The following KIAA1958 variants were observed in gnomAD, a reference collection of about 807,000 sequenced individuals.
KIAA1958 encodes the protein uncharacterized protein KIAA1958.
In KIAA1958, 14 loss-of-function variants were observed where a neutral mutation model predicts 47.2. The ratio of observed to expected loss-of-function variants is 0.30; its 90% CI spans 0.20 to 0.46. KIAA1958 has a LOEUF of 0.46. KIAA1958 is among the 20% of genes least tolerant of loss of function. The pLI is 1.00. For missense variants in KIAA1958, 803 were observed against 909.2 expected (o/e 0.88, Z 1.50); for synonymous variants, 354 against 353.3 (o/e 1.00, Z -0.02).
chr9:112,611,803 G>A (rs1489887033), intron 2 of KIAA1958, among the ~76,000 whole-genome samples: 1 of 151,854 alleles, frequency 6.6e-6, no homozygotes, highest in African/African-American at 2.4e-5. Flanking sequence ...GAGTAAGGAG[G>A]GGATTGAATA....
chr9:112,668,997 T>C lies in KIAA1958; in HGVS notation c.*8928T>C, dbSNP rs1004541358. On this transcript the variant is annotated 3_prime_UTR_variant, in exon 4 of 4. Coordinates refer to ENST00000337530, the MANE Select transcript of KIAA1958 (RefSeq NM_133465.4). ...TTTTCACTGTTCTGTAATTTTGTTT[T>C]AATATAGAGGATACCCATAATTTCT... 2.6e-5 allele frequency: 4 copies of C among 152,254 alleles called. No homozygotes were observed. The highest frequency in any genetic ancestry group is 9.6e-5 in the African/African-American group (4 of 41,468). 9.4% of individuals were successfully genotyped at this position (152,254 alleles called of 1,614,324 possible). A position where few individuals can be genotyped will look rare whatever the true frequency, so the allele number is the denominator to read the frequency against.
chr9:112,581,781 G>A lies in KIAA1958; in HGVS notation c.1171+6530G>A, dbSNP rs559877552. 18 of 224,252 alleles carry A rather than the reference G, an allele frequency of 8.0e-5. No individual in the cohort carries two copies. The South Asian group carries it at 1.3e-3, about 16-fold the overall frequency. The allele number at this position is 224,252 out of a possible 1,614,324, so 13.9% of individuals were successfully genotyped here. On this transcript the variant is annotated intron_variant, in intron 2 of 3. Transcript: ENST00000337530. ...TTAACCTCTGTCACAATCCTGTTAG[G>A]AACTGGAGAGCTGAGATCTCAGAGA...
chr9:112,628,166 G>T (rs1270699795), intron 2 of KIAA1958, among the ~76,000 whole-genome samples: 1 of 152,242 alleles, frequency 6.6e-6, no homozygotes, highest in South Asian at 2.1e-4. Flanking sequence ...ACTTGATGCA[G>T]GGTTTCCTTC....
intron 1 of KIAA1958, among the ~76,000 whole-genome samples, chr9:112,518,291 T>C (rs1834473515): frequency 6.6e-6 from 1 of 152,242 alleles, no homozygotes; most frequent in South Asian, 2.1e-4. Flanking sequence ...AGCAACCTTA[T>C]TTGTAAAGCT....
At chr9:112,600,788 G>T (rs983951775) in intron 2 of KIAA1958, among the ~76,000 whole-genome samples, 3 of 152,176 alleles carry the variant, frequency 2.0e-5, no homozygotes, top group Non-Finnish European at 4.4e-5. Flanking sequence ...GGAAGACTTT[G>T]ATTTCATGAG....
intron 3 of KIAA1958, among the ~76,000 whole-genome samples, chr9:112,648,238 G>A (rs1837008494): frequency 6.6e-6 from 1 of 152,144 alleles, no homozygotes; most frequent in Non-Finnish European, 1.5e-5. Flanking sequence ...TTACTGCCTT[G>A]AGAGAATTAA....
At chr9:112,617,858 C>G (rs1177560312) in intron 2 of KIAA1958, 4 of 1,538,094 alleles carry the variant, frequency 2.6e-6, no homozygotes, top group Admixed American at 4.0e-5. Flanking sequence ...CCTCCCCCCC[C>G]AATTTGTTGC....
intron 2 of KIAA1958, among the ~76,000 whole-genome samples, chr9:112,642,318 C>T (rs1473212231): frequency 6.6e-6 from 1 of 152,222 alleles, no homozygotes; most frequent in East Asian, 1.9e-4. Context: ...GGAACTGTCC[C>T]AGTGATAGAC....
At chr9:112,636,039 C>T (rs1836799485) in intron 2 of KIAA1958, among the ~76,000 whole-genome samples, 3 of 150,712 alleles carry the variant, frequency 2.0e-5, no homozygotes, top group Admixed American at 2.0e-4. Context: ...TTGTCATTAT[C>T]ATTCAGTTGG....
At chr9:112,543,014 G>C (rs1375507451) in intron 1 of KIAA1958, among the ~76,000 whole-genome samples, 13 of 152,104 alleles carry the variant, frequency 8.5e-5, no homozygotes, top group Admixed American at 8.5e-4. Context: ...GCTTGCTTCG[G>C]GAGTTCCTCA....
chr9:112,588,911 C>T (rs1835872900), intron 2 of KIAA1958, among the ~76,000 whole-genome samples: 1 of 151,792 alleles, frequency 6.6e-6, no homozygotes, highest in Non-Finnish European at 1.5e-5. Flanking sequence ...CTTTTGGAGT[C>T]CTTAAATTGC....
At chr9:112,523,298 A>G (rs1243928211) in intron 1 of KIAA1958, among the ~76,000 whole-genome samples, 1 of 152,160 alleles carries the variant, frequency 6.6e-6, no homozygotes, top group Non-Finnish European at 1.5e-5. Flanking sequence ...AAAAAATACA[A>G]AAATTAGCCG....
intron 2 of KIAA1958, among the ~76,000 whole-genome samples, chr9:112,638,802 T>C (rs978612117): frequency 1.6e-4 from 25 of 151,706 alleles, no homozygotes; most frequent in African/African-American, 6.0e-4. Context: ...ATTTTTTCTA[T>C]ATTCTTTTCT....
At chr9:112,630,642 A>G (rs928567418) in intron 2 of KIAA1958, among the ~76,000 whole-genome samples, 2 of 152,070 alleles carry the variant, frequency 1.3e-5, no homozygotes, top group African/African-American at 2.4e-5. Context: ...CCGAATAGGA[A>G]TGGTTCTCCA....
chr9:112,590,925 T>C (rs1835909445), intron 2 of KIAA1958, among the ~76,000 whole-genome samples: 1 of 152,178 alleles, frequency 6.6e-6, no homozygotes, highest in Non-Finnish European at 1.5e-5. Context: ...ATCCAGCTTC[T>C]CTAGGAGCCT....
chr9:112,645,288 T>A (rs1836957293), intron 2 of KIAA1958, among the ~76,000 whole-genome samples: 1 of 152,174 alleles, frequency 6.6e-6, no homozygotes, highest in South Asian at 2.1e-4. Context: ...TCCTTTTGAT[T>A]GTTGTTGTTG....
intron 1 of KIAA1958, among the ~76,000 whole-genome samples, chr9:112,560,958 T>G (rs558802356): frequency 6.6e-6 from 1 of 152,288 alleles, no homozygotes; most frequent in South Asian, 2.1e-4. Flanking sequence ...TCTTCAGCAA[T>G]TAACTTAAAT....
intron 1 of KIAA1958, among the ~76,000 whole-genome samples, chr9:112,566,188 C>T (rs1835425325): frequency 6.6e-6 from 1 of 152,086 alleles, no homozygotes; most frequent in Non-Finnish European, 1.5e-5. Context: ...CAGGCATGAG[C>T]CACCGTGCCT....
chr9:112,591,183 G>A (rs143667703), intron 2 of KIAA1958, among the ~76,000 whole-genome samples: 15 of 152,036 alleles, frequency 9.9e-5, no homozygotes, highest in Admixed American at 3.9e-4. Context: ...TCCCGGGTTC[G>A]TGCCATTCTC....
Sources: allele counts gnomAD v4.1 joint callset (sites outside exome capture counted in the v4.1 genomes callset), GRCh38; gene constraint gnomAD v4.1.1; transcripts MANE v1.5; gene names NCBI Gene and HGNC (gene_info 2026-07-23, HGNC 2026-07-21).